Variants in COL19A1 observed in about 807,000 individuals in gnomAD.
The protein encoded by COL19A1 is collagen type XIX alpha 1 chain.
A neutral mutation model predicts 190.2 loss-of-function variants in COL19A1; 159 were observed. The ratio of observed to expected loss-of-function variants is 0.84; its 90% CI spans 0.73 to 0.95. The LOEUF (loss-of-function observed/expected upper bound fraction) is 0.95. Among genes scored for constraint, COL19A1 ranks in the 40% least tolerant of loss-of-function variants. COL19A1 has a pLI of 0.00. For synonymous variants in COL19A1, 509 were observed against 458.9 expected, an observed-to-expected ratio of 1.11 and a Z score of -1.39; for missense variants, 1,418 against 1,431.9, an observed-to-expected ratio of 0.99 and a Z score of 0.16.
intron 11 of COL19A1, among the ~76,000 whole-genome samples, chr6:69,978,222 C>A (rs1231240834): frequency 6.6e-6 from 1 of 151,694 alleles, no homozygotes; most frequent in Non-Finnish European, 1.5e-5. Flanking sequence ...GCCAGATACA[C>A]GTATACATAT....
rs1160419423 is a variant in COL19A1 at position 70,208,295 on chromosome 6, G to C, written c.*1021G>C. 1 of 152,230 alleles carries C rather than the reference G, an allele frequency of 6.6e-6. No individual in the cohort carries two copies. Among genetic ancestry groups the C allele is most frequent in the Non-Finnish European group, 1.5e-5 (1 of 68,046 alleles). 9.4% of individuals were successfully genotyped at this position (152,230 alleles called of 1,614,324 possible). A position where few individuals can be genotyped will look rare whatever the true frequency, so the allele number is the denominator to read the frequency against. On this transcript the variant is annotated 3_prime_UTR_variant, in exon 51 of 51. Coordinates refer to ENST00000620364, the MANE Select transcript of COL19A1 (RefSeq NM_001858.6). ...TAGAATGGACTCACTTGTCCTAGAA[G>C]ATGAATGTGTAGTGTCAGCAAATGC...
At position 70,072,096 on chromosome 6, in the gene COL19A1, CTT is replaced by C. The variant is rs534088571; in HGVS notation, c.1224+3622_1224+3623del. Among the ~76,000 whole-genome samples the C allele has an allele frequency of 2.6e-5, 4 of 152,188 alleles. No homozygotes were observed. In the East Asian group the frequency reaches 7.7e-4, roughly 29 times the overall value. On this transcript the variant is annotated intron_variant, in intron 15 of 50. Transcript: ENST00000620364. Reference sequence around the variant, plus strand: ...ACTGGATGGAAACCCAGAGAAGTATCTTTGTGAAAAGTGGAATATTTCAGGTA... The same window carrying C: ...ACTGGATGGAAACCCAGAGAAGTATCTGTGAAAAGTGGAATATTTCAGGTA...
chr6:70,002,788 A>G (rs1035024639), intron 11 of COL19A1, among the ~76,000 whole-genome samples: 1 of 142,182 alleles, frequency 7.0e-6, no homozygotes, highest in Non-Finnish European at 1.5e-5. Context: ...CTAGTGATCT[A>G]TCCATGTTGT....
chr6:69,988,480 G>A (rs991550463), intron 11 of COL19A1, among the ~76,000 whole-genome samples: 1 of 152,120 alleles, frequency 6.6e-6, no homozygotes, highest in South Asian at 2.1e-4. Flanking sequence ...ACAAATGATC[G>A]TTGCTACTGA....
intron 2 of COL19A1, among the ~76,000 whole-genome samples, chr6:69,897,458 T>TACACACACACAC (rs71760023): frequency 4.2e-4 from 61 of 145,330 alleles, no homozygotes; most frequent in African/African-American, 1.1e-3. Flanking sequence ...TTGTCAGTTT[T>TACACACACACAC]ACACACACAC....
At chr6:69,955,086 T>G (rs1347250265) in intron 9 of COL19A1, among the ~76,000 whole-genome samples, 1 of 152,120 alleles carries the variant, frequency 6.6e-6, no homozygotes, top group Non-Finnish European at 1.5e-5. Flanking sequence ...AGTATTTCTG[T>G]AGTATTTTTA....
At chr6:69,955,754 A>G (rs1382149281) in intron 9 of COL19A1, among the ~76,000 whole-genome samples, 1 of 152,066 alleles carries the variant, frequency 6.6e-6, no homozygotes, top group African/African-American at 2.4e-5. Context: ...TGAGTGGTTT[A>G]CTGAATAGAA....
chr6:69,872,838 G>C (rs1310198199), intron 1 of COL19A1, among the ~76,000 whole-genome samples: 1 of 152,198 alleles, frequency 6.6e-6, no homozygotes, highest in Non-Finnish European at 1.5e-5. Flanking sequence ...TGTGATTTTG[G>C]TGCTTTGTAG....
rs1768030950 is a variant in COL19A1, at chr6:70,208,747, A to G, written c.*1473A>G. 1 of 152,622 alleles carries G rather than the reference A, an allele frequency of 6.6e-6. No homozygotes were observed. Among genetic ancestry groups the G allele is most frequent in the African/African-American group, 2.4e-5 (1 of 41,440 alleles). The allele number at this position is 152,622 out of a possible 1,614,324, so 9.5% of individuals were successfully genotyped here. A position where few individuals can be genotyped will look rare whatever the true frequency, so the allele number is the denominator to read the frequency against. On this transcript the variant is annotated 3_prime_UTR_variant, in exon 51 of 51. Coordinates refer to ENST00000620364, the MANE Select transcript of COL19A1 (RefSeq NM_001858.6). ...ACAGGATGATTGCTTTTGTCTGTTTACTGAAAAATGAGTTTAGAAAGGCTA... is the reference window on the plus strand; with the variant it reads ...ACAGGATGATTGCTTTTGTCTGTTTGCTGAAAAATGAGTTTAGAAAGGCTA...
chr6:70,106,789 A>G (rs2150193862), intron 16 of COL19A1, among the ~76,000 whole-genome samples: 1 of 152,312 alleles, frequency 6.6e-6, no homozygotes, highest in South Asian at 2.1e-4. Context: ...CTAAGCGAAT[A>G]TTCTTCATTG....
chr6:70,005,054 G>T (rs184110724), intron 11 of COL19A1, among the ~76,000 whole-genome samples: 1 of 152,000 alleles, frequency 6.6e-6, no homozygotes, highest in African/African-American at 2.4e-5. Context: ...GGATGGTCTC[G>T]ATCTCCTAAC....
intron 11 of COL19A1, among the ~76,000 whole-genome samples, chr6:69,985,674 T>C (rs1010463619): frequency 1.3e-5 from 2 of 152,228 alleles, no homozygotes; most frequent in Non-Finnish European, 2.9e-5. Context: ...TCTATTTCTT[T>C]GTCTAAAAAA....
At chr6:69,921,442 TATCATATA>T (rs1433518719) in intron 4 of COL19A1, among the ~76,000 whole-genome samples, 1 of 111,324 alleles carries the variant, frequency 9.0e-6, no homozygotes, top group African/African-American at 4.4e-5. Flanking sequence ...ATATCATATA[TATCATATA>T]TCATATATAT....
intron 49 of COL19A1, among the ~76,000 whole-genome samples, chr6:70,205,116 A>G (rs550580628): frequency 1.3e-5 from 2 of 152,322 alleles, no homozygotes; most frequent in Non-Finnish European, 1.5e-5. Context: ...CAATTTTCAA[A>G]TATAAATATG....
intron 11 of COL19A1, among the ~76,000 whole-genome samples, chr6:70,000,481 A>G (rs1156558628): frequency 1.3e-5 from 2 of 152,212 alleles, no homozygotes; most frequent in African/African-American, 4.8e-5. Context: ...TTACATTCCC[A>G]CCAACAGTGT....
At chr6:70,048,290 T>C (rs1780014387) in intron 14 of COL19A1, among the ~76,000 whole-genome samples, 2 of 152,128 alleles carry the variant, frequency 1.3e-5, no homozygotes, top group Admixed American at 1.3e-4. Context: ...GATCATATAG[T>C]GTTCACATAA....
In COL19A1 at chr6:70,144,404, C is replaced by T. The variant is rs541229210; in HGVS notation, c.1680+141C>T. On this transcript the variant is annotated intron_variant, in intron 24 of 50. Transcript: ENST00000620364. ...ATTAACTACAATGTAAATGGCACCC[C>T]CTAGAGTTGTGCATTTGGCAGCCCT... is the stretch of plus-strand genomic sequence containing the variant. The T allele has an allele frequency of 6.5e-4, 437 of 668,930 alleles. 1 individual carries two copies. The African/African-American group carries it at 6.9e-3, about 11-fold the overall frequency. 41.4% of individuals were successfully genotyped at this position (668,930 alleles called of 1,614,324 possible). A position where few individuals can be genotyped will look rare whatever the true frequency, so the allele number is the denominator to read the frequency against.
chr6:70,025,876 T>C (rs995160911), intron 12 of COL19A1, among the ~76,000 whole-genome samples: 1 of 152,188 alleles, frequency 6.6e-6, no homozygotes, highest in East Asian at 1.9e-4. Context: ...AGAGGTAAAA[T>C]ACATATGATT....
intron 16 of COL19A1, among the ~76,000 whole-genome samples, chr6:70,121,647 T>C (rs554538618): frequency 1.3e-5 from 2 of 152,162 alleles, no homozygotes; most frequent in Non-Finnish European, 2.9e-5. Flanking sequence ...AAATGTTACA[T>C]GCTCCCACTT....
Sources: allele counts gnomAD v4.1 joint callset (sites outside exome capture counted in the v4.1 genomes callset), GRCh38; gene constraint gnomAD v4.1.1; transcripts MANE v1.5; gene names NCBI Gene and HGNC (gene_info 2026-07-23, HGNC 2026-07-21).